Variants in SPRY3 observed in about 807,000 individuals in gnomAD.
SPRY3 encodes sprouty RTK signaling antagonist 3.
In SPRY3, 15 loss-of-function variants were observed where a neutral mutation model predicts 20.2. That is an observed-to-expected ratio of 0.74 (90% confidence interval 0.50 to 1.14). SPRY3 has a LOEUF of 1.14. Ranked by LOEUF, SPRY3 falls within the 50% of genes most tolerant of loss-of-function variation. SPRY3 has a pLI of 0.00. For missense variants in SPRY3, 364 were observed against 363.9 expected (o/e 1.00, Z 0.00); for synonymous variants, 143 against 136.5 (o/e 1.05, Z -0.33).
At chrX:155,750,089 T>C (rs1201893191) in intron 2 of SPRY3, among the ~76,000 whole-genome samples, 1 of 151,852 alleles carries the variant, frequency 6.6e-6, no homozygotes, top group African/African-American at 2.4e-5. Flanking sequence ...CATAGAATAC[T>C]ACACAGTCAT....
intron 2 of SPRY3, among the ~76,000 whole-genome samples, chrX:155,661,225 C>T (rs980493823): frequency 4.5e-5 from 5 of 111,630 alleles, no homozygotes; most frequent in East Asian, 2.8e-4. Context: ...ACTGGTCTAG[C>T]GGTGACAAAT....
chrX:155,645,178 G>T (rs2067953999), intron 1 of SPRY3, among the ~76,000 whole-genome samples: 1 of 111,606 alleles, frequency 9.0e-6, no homozygotes, highest in East Asian at 2.8e-4. Flanking sequence ...ATCCTACTAT[G>T]GCTGAACTGG....
chrX:155,740,925 C>G (rs1481826149), intron 2 of SPRY3, among the ~76,000 whole-genome samples: 4 of 152,074 alleles, frequency 2.6e-5, no homozygotes, highest in Admixed American at 6.6e-5. Context: ...ACCCCGGAGG[C>G]CCAGCTGTAA....
chrX:155,772,977 G>A (rs2091390419), intron 3 of SPRY3, among the ~76,000 whole-genome samples: 1 of 151,922 alleles, frequency 6.6e-6, no homozygotes, highest in Non-Finnish European at 1.5e-5. Flanking sequence ...ATAGTTCCTT[G>A]ATCCCCAGTA....
At chrX:155,747,488 A>G (rs2091233497) in intron 2 of SPRY3, among the ~76,000 whole-genome samples, 1 of 152,008 alleles carries the variant, frequency 6.6e-6, no homozygotes, top group African/African-American at 2.4e-5. Context: ...AACAGGAAGT[A>G]TTCCTAGTGG....
intron 1 of SPRY3, among the ~76,000 whole-genome samples, chrX:155,620,354 CA>C (rs1275596860): frequency 1.8e-5 from 2 of 111,330 alleles, no homozygotes; most frequent in Non-Finnish European, 3.8e-5. Flanking sequence ...AGTATTTACC[CA>C]AGAGAAATGG....
chrX:155,730,294 A>G (rs897689563), intron 2 of SPRY3, among the ~76,000 whole-genome samples: 5 of 152,098 alleles, frequency 3.3e-5, no homozygotes, highest in Non-Finnish European at 7.4e-5. Flanking sequence ...TCAACAAAAT[A>G]CTAGCAAACC....
intron 1 of SPRY3, among the ~76,000 whole-genome samples, chrX:155,639,058 T>G (rs1379639962): frequency 8.9e-6 from 1 of 111,854 alleles, no homozygotes; most frequent in Non-Finnish European, 1.9e-5. Flanking sequence ...TGGACTAAGC[T>G]TGGTAACTGC....
chrX:155,746,965 C>A (rs1198031075), intron 2 of SPRY3, among the ~76,000 whole-genome samples: 1 of 151,838 alleles, frequency 6.6e-6, no homozygotes, highest in Non-Finnish European at 1.5e-5. Flanking sequence ...TTTATTGTCT[C>A]CTCTTGGCTC....
At chrX:155,739,075 C>T (rs1241489069) in intron 2 of SPRY3, among the ~76,000 whole-genome samples, 1 of 151,640 alleles carries the variant, frequency 6.6e-6, no homozygotes, top group Non-Finnish European at 1.5e-5. Context: ...GGGCAGATGC[C>T]ATCTCTATGG....
At chrX:155,647,892 C>A (rs1557351990) in intron 1 of SPRY3, among the ~76,000 whole-genome samples, 2 of 111,857 alleles carry the variant, frequency 1.8e-5, no homozygotes, top group Non-Finnish European at 3.8e-5. Context: ...CTGTCTTCCA[C>A]AATGGTCGAA....
chrX:155,767,633 AG>A (rs1479505808), intron 2 of SPRY3, among the ~76,000 whole-genome samples: 2 of 65,612 alleles, frequency 3.0e-5, no homozygotes, highest in East Asian at 3.8e-4. Context: ...AAAATACTGG[AG>A]GGGGAGGGGG....
At chrX:155,754,001 A>T (rs1352071402) in intron 2 of SPRY3, among the ~76,000 whole-genome samples, 1 of 151,982 alleles carries the variant, frequency 6.6e-6, no homozygotes, top group Non-Finnish European at 1.5e-5. Flanking sequence ...CTTATCAGAT[A>T]TATGACTGGT....
At chrX:155,635,869 T>G (rs1244700941) in intron 1 of SPRY3, among the ~76,000 whole-genome samples, 1 of 111,872 alleles carries the variant, frequency 8.9e-6, no homozygotes, top group Non-Finnish European at 1.9e-5. Flanking sequence ...GGAATTAATT[T>G]GACTTACCAT....
intron 2 of SPRY3, among the ~76,000 whole-genome samples, chrX:155,736,632 C>T (rs1447939494): frequency 1.3e-5 from 2 of 151,932 alleles, no homozygotes; most frequent in African/African-American, 4.8e-5. Context: ...CTTTGCTTTC[C>T]TGTAGTTTAA....
At chrX:155,694,357 G>A (rs1293336060) in intron 2 of SPRY3, among the ~76,000 whole-genome samples, 1 of 110,775 alleles carries the variant, frequency 9.0e-6, no homozygotes, top group East Asian at 2.8e-4. Context: ...CATCTTTACA[G>A]TCCATTTACA....
chrX:155,661,592 AT>A (rs1168647454), intron 2 of SPRY3, among the ~76,000 whole-genome samples: 3 of 109,427 alleles, frequency 2.7e-5, no homozygotes, highest in East Asian at 2.9e-4. Flanking sequence ...AAGACCAGGC[AT>A]TTTTTTTTCT....
chrX:155,652,651 A>G (rs1348511070), intron 1 of SPRY3, among the ~76,000 whole-genome samples: 1 of 112,028 alleles, frequency 8.9e-6, no homozygotes, highest in Non-Finnish European at 1.9e-5. Flanking sequence ...GGTTGTTACC[A>G]CTGTTGGGCT....
intron 2 of SPRY3, among the ~76,000 whole-genome samples, chrX:155,762,452 T>C (rs2091308110): frequency 6.6e-6 from 1 of 152,156 alleles, no homozygotes; most frequent in Non-Finnish European, 1.5e-5. Context: ...GAGAAAATAA[T>C]ATTTGATGTA....
Sources: allele counts gnomAD v4.1 joint callset (sites outside exome capture counted in the v4.1 genomes callset), GRCh38; gene constraint gnomAD v4.1.1; transcripts MANE v1.5; gene names NCBI Gene and HGNC (gene_info 2026-07-23, HGNC 2026-07-21).